ELN: variants seen among roughly 807,000 people sequenced by gnomAD.
ELN encodes tropoelastin.
A neutral mutation model predicts 105.8 loss-of-function variants in ELN; 65 were observed. The ratio of observed to expected loss-of-function variants is 0.61; its 90% CI spans 0.50 to 0.75. ELN has a LOEUF of 0.75. Ranked by LOEUF, ELN falls within the 30% of genes least tolerant of loss-of-function variation. ELN has a pLI of 0.00. For missense variants in ELN, 882 were observed against 969.4 expected (o/e 0.91, Z 1.20); for synonymous variants, 368 against 389.2 (o/e 0.95, Z 0.64).
rs1239601146 is a variant in ELN at position 74,063,318 on chromosome 7, C to CCCG, written c.1878_1880dup (p.Ala630dup). The CCCG allele has an allele frequency of 7.1e-6, 11 of 1,550,520 alleles. No homozygotes were observed. Among genetic ancestry groups the CCCG allele is most frequent in the South Asian group, 1.2e-5 (1 of 84,274 alleles). On this transcript the variant is annotated inframe_insertion, in exon 28 of 33. Transcript: ENST00000252034. The surrounding 1 kb of genome is among the most constrained non-coding windows in gnomAD (Gnocchi z 4.1). ...TCGGTCTGTGTTCCCAGGAGCCGGA[C>CCCG]CCGCCGCCGCCGCTGCCGCAGCCAA...
At position 74,057,252 on chromosome 7, in the gene ELN, A is replaced by C. The variant is rs1795447055; in HGVS notation, c.1358-388A>C. On this transcript the variant is annotated intron_variant, in intron 21 of 32. Coordinates refer to ENST00000252034, the MANE Select transcript of ELN (RefSeq NM_000501.4). ...GACTCCAACTCTAAAAATAAAAAAA[A>C]AAGAAAAAGAAAAAGAATTGAAGGT... 10 of 784,624 alleles carry C rather than the reference A, an allele frequency of 1.3e-5. No homozygotes were observed. In the South Asian group the frequency reaches 2.7e-4, roughly 21 times the overall value. The allele number at this position is 784,624 out of a possible 1,614,324, so 48.6% of individuals were successfully genotyped here.
intron 32 of ELN, 46 bp downstream of exon 32, chr7:74,066,822 C>T: frequency 1.9e-6 from 3 of 1,593,024 alleles, no homozygotes; most frequent in South Asian, 2.2e-5. Context: ...GAGCTGCAGC[C>T]ACCTCCTCCC....
intron 1 of ELN, among the ~76,000 whole-genome samples, chr7:74,032,700 G>C (rs1309510824): frequency 6.6e-6 from 1 of 152,148 alleles, no homozygotes; most frequent in Admixed American, 6.5e-5. Context: ...GGGAGGGGAA[G>C]CTAAGTCTTC....
Position 74,052,002 on chromosome 7 carries a change from G to A in ELN, c.949+19G>A, listed in dbSNP as rs1277286712. On this transcript the variant is annotated intron_variant, in intron 17 of 32. Coordinates refer to ENST00000252034, the MANE Select transcript of ELN (RefSeq NM_000501.4). ...AAGTATGGTGAGTGCCTCCCGGGGT[G>A]GCAAGTCCACGGCTCGGGCCCCTGC... 2 of 1,612,500 alleles carry A rather than the reference G, an allele frequency of 1.2e-6. No homozygotes were observed. Among genetic ancestry groups the A allele is most frequent in the Admixed American group, 3.3e-5 (2 of 60,008 alleles).
At chr7:74,047,559 C>T (rs1554673231) in intron 12 of ELN, 116 bp from the exon 13 acceptor site, 13 of 1,428,240 alleles carry the variant, frequency 9.1e-6, no homozygotes. Context: ...AGCTCAGGAC[C>T]CTGATGTGGG....
intron 12 of ELN, 137 bp from the exon 13 acceptor site, chr7:74,047,538 C>G: frequency 8.1e-7 from 1 of 1,228,426 alleles, no homozygotes; most frequent in Non-Finnish European, 1.2e-6. Context: ...CGCCTTTGCT[C>G]TCCTGGGAGC....
chr7:74,051,598 G>C, intron 15 of ELN, 152 bp from the exon 16 acceptor site: 1 of 713,872 alleles, frequency 1.4e-6, no homozygotes, highest in Non-Finnish European at 2.4e-6. Context: ...GGAGTGGGGT[G>C]GGGGCCTCCC....
intron 17 of ELN, 30 bp from the exon 18 acceptor site, chr7:74,053,133 G>A (rs1373768024): frequency 6.2e-7 from 1 of 1,614,116 alleles, no homozygotes; most frequent in Non-Finnish European, 8.5e-7. Flanking sequence ...GTTCCCATAG[G>A]TTAGGGGAAC....
At chr7:74,043,818 C>T in intron 8 of ELN, 61 bp from the exon 9 acceptor site, 1 of 1,566,874 alleles carries the variant, frequency 6.4e-7, no homozygotes, top group Non-Finnish European at 8.7e-7. Context: ...GTGGGAAGGG[C>T]TGGGGAGGGG....
At chr7:74,060,607 A>G in intron 25 of ELN, 106 bp downstream of exon 25, 2 of 1,584,608 alleles carry the variant, frequency 1.3e-6, no homozygotes, top group Non-Finnish European at 8.6e-7. Context: ...AGGGGTGCAT[A>G]GTAAAATCCT....
chr7:74,040,307 G>A (rs912263873), intron 4 of ELN, among the ~76,000 whole-genome samples: 5 of 152,216 alleles, frequency 3.3e-5, no homozygotes, highest in Admixed American at 1.3e-4. Flanking sequence ...GGTCTGGCCC[G>A]GGTGCTGGGA....
At chr7:74,054,890 C>G in intron 19 of ELN, 121 bp downstream of exon 19, 5 of 1,050,518 alleles carry the variant, frequency 4.8e-6, no homozygotes, top group Non-Finnish European at 7.3e-6. Flanking sequence ...CCGAGCAAGT[C>G]ACCAGCAGGC....
intron 1 of ELN, among the ~76,000 whole-genome samples, chr7:74,028,862 TTGTGTG>T (rs143136809): frequency 4.7e-5 from 7 of 149,290 alleles, no homozygotes; most frequent in Admixed American, 1.3e-4. Context: ...TGGTATGCAT[TTGTGTG>T]TGTGTGTGTG....
At chr7:74,034,482 C>A (rs1789461291) in intron 1 of ELN, among the ~76,000 whole-genome samples, 1 of 149,332 alleles carries the variant, frequency 6.7e-6, no homozygotes, top group African/African-American at 2.5e-5. Flanking sequence ...GAGGCCAAGG[C>A]AGGAGGATCG....
intron 9 of ELN, among the ~76,000 whole-genome samples, 200 bp from the exon 10 acceptor site, chr7:74,045,022 C>G (rs1466167597): frequency 3.9e-5 from 6 of 152,246 alleles, no homozygotes; most frequent in African/African-American, 1.4e-4. Context: ...AGGATTAAAA[C>G]TCAGATCTTC....
At chr7:74,052,651 A>G (rs906991233) in intron 17 of ELN, 2 of 159,994 alleles carry the variant, frequency 1.3e-5, no homozygotes, top group African/African-American at 5.3e-5. Context: ...AGAAGGAAGG[A>G]AGGAAGGAAA....
chr7:74,035,811 C>A, intron 2 of ELN: 1 of 322,082 alleles, frequency 3.1e-6, no homozygotes, highest in South Asian at 2.7e-5. Flanking sequence ...TAGTGGTGCA[C>A]GCCTGTAGTC....
At position 74,063,148 on chromosome 7, in the gene ELN, C is replaced by A. The variant is rs782485270; in HGVS notation, c.1787-5C>A. The A allele has an allele frequency of 1.2e-6, 2 of 1,603,574 alleles. No individual in the cohort carries two copies. Among genetic ancestry groups the A allele is most frequent in the Non-Finnish European group, 1.7e-6 (2 of 1,176,250 alleles). On this transcript the variant is annotated splice_polypyrimidine_tract_variant and splice_region_variant and intron_variant, in intron 26 of 32. Transcript: ENST00000252034. The surrounding 1 kb of genome is among the most constrained non-coding windows in gnomAD (Gnocchi z 4.1). ...GAACACTCATTTTCCCTCCTCTCCC[C>A]GCAGGAGCAGCAGTGCCTGGGGTCC... is the stretch of plus-strand genomic sequence containing the variant.
intron 22 of ELN, among the ~76,000 whole-genome samples, chr7:74,058,998 G>A (rs55877767): frequency 8.0e-4 from 122 of 151,978 alleles, no homozygotes; most frequent in African/African-American, 2.7e-3. Flanking sequence ...TCAGCTCGCC[G>A]CAGGCCTCAA....
Sources: gnomAD v4.1 joint callset for allele counts (sites outside exome capture counted in the v4.1 genomes callset) on GRCh38, gnomAD v4.1.1 for gene constraint, Gnocchi (gnomAD v3.1) non-coding constraint, MANE v1.5 for transcripts, NCBI Gene and HGNC (gene_info 2026-07-23, HGNC 2026-07-21) for gene names.